Variants in DNAI7 observed in about 807,000 individuals in gnomAD.
The protein encoded by DNAI7 is cancer susceptibility 1.
In DNAI7, 78 loss-of-function variants were observed where a neutral mutation model predicts 86.6. The observed-to-expected ratio is 0.90, with a 90% confidence interval of 0.75 to 1.09. The LOEUF (loss-of-function observed/expected upper bound fraction) is 1.09. Among genes scored for constraint, DNAI7 ranks in the 50% least tolerant of loss-of-function variants. The probability of loss-of-function intolerance (pLI) is 0.00; values close to 1 mark genes in which losing one functional copy is unlikely to be tolerated. For missense variants in DNAI7, 753 were observed against 810.2 expected, an observed-to-expected ratio of 0.93 and a Z score of 0.86; for synonymous variants, 274 against 273.0, an observed-to-expected ratio of 1.00 and a Z score of -0.04.
chr12:25,145,699 G>A (rs1404125566), intron 8 of DNAI7, among the ~76,000 whole-genome samples: 1 of 151,962 alleles, frequency 6.6e-6, no homozygotes, highest in Non-Finnish European at 1.5e-5. Flanking sequence ...CACATAGCTA[G>A]TCTTTTCAGA....
chr12:25,140,879 C>T (rs906221089), intron 9 of DNAI7, among the ~76,000 whole-genome samples: 1 of 152,034 alleles, frequency 6.6e-6, no homozygotes, highest in Non-Finnish European at 1.5e-5. Flanking sequence ...ACCAATGGAA[C>T]AGAATAGAGA....
At chr12:25,140,733 A>T (rs986069903) in intron 9 of DNAI7, among the ~76,000 whole-genome samples, 1 of 152,162 alleles carries the variant, frequency 6.6e-6, no homozygotes, top group African/African-American at 2.4e-5. Flanking sequence ...TATGAAACCA[A>T]AAAAGAGCCC....
rs149418261 is a variant in DNAI7 at position 25,149,230 on chromosome 12, C to T, written c.585+398G>A. Among the ~76,000 whole-genome samples the T allele has an allele frequency of 4.1e-3, 627 of 152,148 alleles. 2 individuals are homozygous for T. The highest frequency in any genetic ancestry group is 4.8e-3 in the Non-Finnish European group (323 of 67,988). ...AATAAGGTTGGTGCAAAAGTAATTG[C>T]GGTTTTTGCCATTACTTTTAATAGC... On this transcript the variant is annotated intron_variant, in intron 7 of 15. Coordinates refer to ENST00000395987, the MANE Select transcript of DNAI7 (RefSeq NM_018272.5).
intron 9 of DNAI7, among the ~76,000 whole-genome samples, chr12:25,134,981 T>C (rs1476650916): frequency 6.6e-6 from 1 of 152,172 alleles, no homozygotes; most frequent in Non-Finnish European, 1.5e-5. Flanking sequence ...AGGACTAACT[T>C]GAAGCTCCCA....
At position 25,114,880 on chromosome 12, in the gene DNAI7, T is replaced by C; in HGVS notation, c.1397-10A>G. 1 of 1,585,458 alleles carries C rather than the reference T, an allele frequency of 6.3e-7. No individual in the cohort carries two copies. The highest frequency in any genetic ancestry group is 1.1e-5 in the South Asian group (1 of 88,398). On this transcript the variant is annotated splice_polypyrimidine_tract_variant and intron_variant, in intron 12 of 15. Transcript: ENST00000395987. ...GTTCTCCAATGTTTACCTTTATAATTGATGAAGAAAGTGACACTAGTTTCA... is the reference window on the plus strand; with the variant it reads ...GTTCTCCAATGTTTACCTTTATAATCGATGAAGAAAGTGACACTAGTTTCA...
At chr12:25,182,592 G>C (rs1949622330) in intron 2 of DNAI7, among the ~76,000 whole-genome samples, 2 of 100,824 alleles carry the variant, frequency 2.0e-5, no homozygotes, top group South Asian at 6.4e-4. Flanking sequence ...CAGAGTGATA[G>C]AGTGAGACTG....
At chr12:25,174,016 T>G (rs1015558059) in intron 2 of DNAI7, among the ~76,000 whole-genome samples, 3 of 148,626 alleles carry the variant, frequency 2.0e-5, no homozygotes, top group African/African-American at 7.3e-5. Flanking sequence ...ATACATGGAA[T>G]ACATATCTCA....
At chr12:25,165,425 T>G (rs368951887) in intron 2 of DNAI7, among the ~76,000 whole-genome samples, 9 of 152,222 alleles carry the variant, frequency 5.9e-5, no homozygotes, top group African/African-American at 2.2e-4. Context: ...TTGCTACAAG[T>G]GCCAGAAATC....
chr12:25,120,925 A>G (rs1941200247), intron 11 of DNAI7, among the ~76,000 whole-genome samples: 1 of 152,096 alleles, frequency 6.6e-6, no homozygotes, highest in Admixed American at 6.5e-5. Context: ...TTACCTGGGG[A>G]TCTTGTTCCA....
intron 2 of DNAI7, among the ~76,000 whole-genome samples, chr12:25,176,800 A>G (rs2141236734): frequency 6.6e-6 from 1 of 151,566 alleles, no homozygotes; most frequent in East Asian, 1.9e-4. Flanking sequence ...AGATTTTTGA[A>G]CTTTCCATAA....
chr12:25,117,332 A>G (rs1445884802), intron 12 of DNAI7, among the ~76,000 whole-genome samples: 1 of 152,222 alleles, frequency 6.6e-6, no homozygotes, highest in Non-Finnish European at 1.5e-5. Flanking sequence ...GCATTCATTA[A>G]AAAATTTAAA....
chr12:25,185,680 A>T (rs1029592143), intron 2 of DNAI7: 1 of 557,792 alleles, frequency 1.8e-6, no homozygotes, highest in African/African-American at 2.0e-5. Context: ...TGCAATTTTA[A>T]TGTCCTGAAC....
At chr12:25,182,036 T>A (rs1206071776) in intron 2 of DNAI7, among the ~76,000 whole-genome samples, 4 of 122,556 alleles carry the variant, frequency 3.3e-5, no homozygotes, top group African/African-American at 5.3e-5. Flanking sequence ...AAAAGAAATT[T>A]TTTTTTTTTT....
intron 2 of DNAI7, among the ~76,000 whole-genome samples, chr12:25,173,879 A>ACAC (rs148019925): frequency 0.7 from 102,004 of 146,246 alleles, 36,122 homozygotes; most frequent in African/African-American, 0.82. Flanking sequence ...ATATATATAT[A>ACAC]CACATCATTC....
intron 9 of DNAI7, among the ~76,000 whole-genome samples, chr12:25,143,973 T>G (rs1350350080): frequency 6.6e-6 from 1 of 152,170 alleles, no homozygotes; most frequent in Non-Finnish European, 1.5e-5. Context: ...CTTTATAAAA[T>G]TATTTCTTAC....
Position 25,144,476 on chromosome 12 carries a change from T to A in DNAI7, c.891A>T (p.Ala297=). ...ACTCTTCTTCGACCTCCTTGCTGAT[T>A]GCTTTTTCTACATTCTTAACATCAT... ...VKDDVKNVEK[A]ISKEVEEESK... is the part of the protein sequence containing the mutation. Residue 297 remains alanine (A), a synonymous_variant, in exon 9 of 16, where the codon GCA becomes GCT. Coordinates refer to ENST00000395987, the MANE Select transcript of DNAI7 (RefSeq NM_018272.5). 6.2e-7 allele frequency: 1 copy of A among 1,614,184 alleles called. No homozygotes were observed. The highest frequency in any genetic ancestry group is 8.5e-7 in the Non-Finnish European group (1 of 1,180,008).
At chr12:25,131,435 T>A (rs1325629930) in intron 9 of DNAI7, among the ~76,000 whole-genome samples, 1 of 152,214 alleles carries the variant, frequency 6.6e-6, no homozygotes, top group African/African-American at 2.4e-5. Context: ...CTGTAAATAT[T>A]GCTTCACACA....
At chr12:25,186,479 G>A (rs1387975561) in intron 2 of DNAI7, among the ~76,000 whole-genome samples, 1 of 152,036 alleles carries the variant, frequency 6.6e-6, no homozygotes, top group Non-Finnish European at 1.5e-5. Context: ...ATAATCTCAT[G>A]GGCAATGTAA....
intron 2 of DNAI7, among the ~76,000 whole-genome samples, chr12:25,182,720 T>G (rs560249027): frequency 6.6e-6 from 1 of 150,782 alleles, no homozygotes; most frequent in Non-Finnish European, 1.5e-5. Flanking sequence ...CCCCAAAGTT[T>G]AAGACCAGCC....
Sources: allele counts gnomAD v4.1 joint callset (sites outside exome capture counted in the v4.1 genomes callset), GRCh38; gene constraint gnomAD v4.1.1; transcripts MANE v1.5; gene names NCBI Gene and HGNC (gene_info 2026-07-23, HGNC 2026-07-21).